Variants in GALNT17 observed in about 807,000 individuals in gnomAD.
GALNT17 encodes the protein polypeptide N-acetylgalactosaminyltransferase 17.
GALNT17 carries 29 observed loss-of-function variants against 63.7 expected under a neutral mutation model. That is an observed-to-expected ratio of 0.46 (90% CI 0.34 to 0.62). The LOEUF (loss-of-function observed/expected upper bound fraction) is 0.62. Ranked by LOEUF, GALNT17 falls within the 20% of genes least tolerant of loss-of-function variation. The probability of loss-of-function intolerance (pLI) is 0.01; values close to 1 mark genes in which losing one functional copy is unlikely to be tolerated. For missense variants in GALNT17, 603 were observed against 799.6 expected (o/e 0.75, Z 2.97); for synonymous variants, 305 against 318.3 (o/e 0.96, Z 0.45).
intron 2 of GALNT17, among the ~76,000 whole-genome samples, chr7:71,343,814 C>G (rs1432994098): frequency 6.6e-6 from 1 of 151,932 alleles, no homozygotes; most frequent in African/African-American, 2.4e-5. Flanking sequence ...TATAAATAAC[C>G]CTTCTCTTTC....
At chr7:71,316,181 G>A (rs1038599982) in intron 1 of GALNT17, among the ~76,000 whole-genome samples, 22 of 151,420 alleles carry the variant, frequency 1.5e-4, no homozygotes, top group African/African-American at 4.9e-4. Flanking sequence ...CTCGCAGGCC[G>A]CCTGGGGTCC....
chr7:71,198,824 C>G (rs976889393), intron 1 of GALNT17, among the ~76,000 whole-genome samples: 1 of 152,204 alleles, frequency 6.6e-6, no homozygotes, highest in Admixed American at 6.5e-5. Flanking sequence ...AAAAAGAAAT[C>G]TGGTCAAAAC....
chr7:71,625,263 G>A lies in GALNT17; in HGVS notation c.1081-40148G>A, dbSNP rs369955564. Among the ~76,000 whole-genome samples, 66 of 152,238 alleles carry A rather than the reference G, an allele frequency of 4.3e-4. No individual in the cohort carries two copies. The South Asian group carries it at 0.012, about 29-fold the overall frequency. On this transcript the variant is annotated intron_variant, in intron 6 of 10. Coordinates refer to ENST00000333538, the MANE Select transcript of GALNT17 (RefSeq NM_022479.3). Reference sequence around the variant, plus strand: ...GAGCTCAAGCAGTTCCCCTGACTCAGCCTCCCGAGTAGCTGGAATTACAGA... The same window carrying A: ...GAGCTCAAGCAGTTCCCCTGACTCAACCTCCCGAGTAGCTGGAATTACAGA...
intron 1 of GALNT17, among the ~76,000 whole-genome samples, chr7:71,334,231 G>T (rs1791857749): frequency 6.6e-6 from 1 of 152,304 alleles, no homozygotes; most frequent in South Asian, 2.1e-4. Context: ...GCAGGAGAGG[G>T]AATACAAGCT....
At chr7:71,391,915 A>AGGG (rs1384609894) in intron 3 of GALNT17, among the ~76,000 whole-genome samples, 1 of 152,126 alleles carries the variant, frequency 6.6e-6, no homozygotes, top group African/African-American at 2.4e-5. Context: ...GCAGAAGGGA[A>AGGG]GGGGAGCAGG....
chr7:71,613,252 G>A (rs1790151031), intron 6 of GALNT17, among the ~76,000 whole-genome samples: 1 of 152,172 alleles, frequency 6.6e-6, no homozygotes, highest in Admixed American at 6.5e-5. Flanking sequence ...AAATTTAAAA[G>A]TTCAAAGAAG....
intron 5 of GALNT17, among the ~76,000 whole-genome samples, chr7:71,490,249 T>C (rs1449389404): frequency 7.1e-6 from 1 of 141,650 alleles, no homozygotes; most frequent in East Asian, 2.0e-4. Context: ...AGGGCGAGAC[T>C]CTGTCTCAAA....
intron 1 of GALNT17, among the ~76,000 whole-genome samples, chr7:71,286,799 T>G (rs1371964112): frequency 1.3e-5 from 2 of 148,194 alleles, no homozygotes; most frequent in Non-Finnish European, 1.5e-5. Context: ...TGTTTGTTTG[T>G]TTTTTTGAGA....
chr7:71,564,620 C>G (rs1789310248), intron 5 of GALNT17, among the ~76,000 whole-genome samples: 1 of 152,074 alleles, frequency 6.6e-6, no homozygotes, highest in South Asian at 2.1e-4. Context: ...CCAACAGCGA[C>G]CATCGTCACA....
At chr7:71,216,725 CAT>C (rs2116408873) in intron 1 of GALNT17, among the ~76,000 whole-genome samples, 1 of 152,014 alleles carries the variant, frequency 6.6e-6, no homozygotes, top group South Asian at 2.1e-4. Context: ...AATACGCACA[CAT>C]ATATACACAG....
chr7:71,628,364 C>A (rs1040436223), intron 6 of GALNT17, among the ~76,000 whole-genome samples: 1 of 152,014 alleles, frequency 6.6e-6, no homozygotes, highest in African/African-American at 2.4e-5. Flanking sequence ...CTTTTGTCGA[C>A]CAGACTGGAG....
At chr7:71,502,535 C>T (rs1195720313) in intron 5 of GALNT17, among the ~76,000 whole-genome samples, 1 of 152,164 alleles carries the variant, frequency 6.6e-6, no homozygotes, top group East Asian at 1.9e-4. Context: ...ATCTTGGGAG[C>T]CTTGAGCCAA....
At chr7:71,656,752 T>C (rs1471338774) in intron 6 of GALNT17, among the ~76,000 whole-genome samples, 4 of 152,114 alleles carry the variant, frequency 2.6e-5, no homozygotes, top group Non-Finnish European at 5.9e-5. Flanking sequence ...GACTTGGTGA[T>C]GGATTGGCTG....
At chr7:71,371,309 T>C (rs573626170) in intron 2 of GALNT17, among the ~76,000 whole-genome samples, 57 of 152,332 alleles carry the variant, frequency 3.7e-4, no homozygotes, top group African/African-American at 1.3e-3. Context: ...ACAGAAAAAG[T>C]ATAAAGAAGC....
chr7:71,293,392 C>T (rs1232923865), intron 1 of GALNT17, among the ~76,000 whole-genome samples: 1 of 152,152 alleles, frequency 6.6e-6, no homozygotes, highest in African/African-American at 2.4e-5. Flanking sequence ...AACAGCCATT[C>T]TAACAAGTGT....
chr7:71,621,597 A>G (rs1411853051), intron 6 of GALNT17, among the ~76,000 whole-genome samples: 1 of 93,482 alleles, frequency 1.1e-5, no homozygotes, highest in Admixed American at 1.3e-4. Flanking sequence ...ATGGACAGAC[A>G]ATGGATAAAA....
chr7:71,592,263 G>C (rs1331788329), intron 6 of GALNT17, among the ~76,000 whole-genome samples: 1 of 152,120 alleles, frequency 6.6e-6, no homozygotes, highest in East Asian at 1.9e-4. Context: ...GGGTCCAGAG[G>C]AGCCACTTGA....
At chr7:71,171,131 C>T (rs939172257) in intron 1 of GALNT17, among the ~76,000 whole-genome samples, 1 of 152,212 alleles carries the variant, frequency 6.6e-6, no homozygotes, top group Admixed American at 6.5e-5. Flanking sequence ...CGTTAGAAAT[C>T]TTTGATTTCC....
chr7:71,179,793 C>T (rs1788703771), intron 1 of GALNT17, among the ~76,000 whole-genome samples: 2 of 152,210 alleles, frequency 1.3e-5, no homozygotes, highest in African/African-American at 4.8e-5. Context: ...CTGCTACACA[C>T]TCAGAAATCT....
Sources: gnomAD v4.1 joint callset for allele counts (sites outside exome capture counted in the v4.1 genomes callset) on GRCh38, gnomAD v4.1.1 for gene constraint, MANE v1.5 for transcripts, NCBI Gene and HGNC (gene_info 2026-07-23, HGNC 2026-07-21) for gene names.